ODAD2: variants seen among roughly 807,000 people sequenced by gnomAD.
ODAD2 encodes the protein outer dynein arm-docking complex subunit 2.
ODAD2 carries 89 observed loss-of-function variants against 106.8 expected under a neutral mutation model. The observed-to-expected ratio is 0.83, with a 90% CI of 0.70 to 0.99. ODAD2 has a LOEUF of 0.99. Ranked by LOEUF, ODAD2 falls within the 50% of genes least tolerant of loss-of-function variation. The pLI is 0.00. For synonymous variants in ODAD2, 404 were observed against 436.2 expected (o/e 0.93, Z 0.92); for missense variants, 1,168 against 1,238.5 (o/e 0.94, Z 0.85).
Position 27,860,560 on chromosome 10 carries a change from C to A in ODAD2, c.3021+65G>T. On this transcript the variant is annotated intron_variant, in intron 19 of 19. Coordinates refer to ENST00000305242, the MANE Select transcript of ODAD2 (RefSeq NM_018076.5). ...CTCCTTTAGAGAAATCTTAGTGATG[C>A]CTAAGTTTCTTTCCAGGCTACATTT... The A allele has an allele frequency of 2.0e-6, 3 of 1,471,758 alleles. No individual in the cohort carries two copies. In the African/African-American group the frequency reaches 4.2e-5, roughly 20 times the overall value. 91.2% of individuals were successfully genotyped at this position (1,471,758 alleles called of 1,614,324 possible). A position where few individuals can be genotyped will look rare whatever the true frequency, so the allele number is the denominator to read the frequency against.
chr10:27,902,874 G>A (rs1843309898), intron 17 of ODAD2, among the ~76,000 whole-genome samples: 1 of 152,152 alleles, frequency 6.6e-6, no homozygotes, highest in Admixed American at 6.5e-5. Context: ...GAGGTACAAA[G>A]AGGAGCTGGG....
intron 16 of ODAD2, among the ~76,000 whole-genome samples, chr10:27,919,200 A>G (rs1024505385): frequency 6.6e-6 from 1 of 152,008 alleles, no homozygotes; most frequent in Non-Finnish European, 1.5e-5. Flanking sequence ...AATGAAAAAT[A>G]GTGTTTTCAA....
intron 16 of ODAD2, among the ~76,000 whole-genome samples, chr10:27,926,171 C>T (rs1845248714): frequency 6.6e-6 from 1 of 151,936 alleles, no homozygotes; most frequent in South Asian, 2.1e-4. Flanking sequence ...CAGCCAAAGG[C>T]AATATATAAA....
intron 17 of ODAD2, among the ~76,000 whole-genome samples, chr10:27,887,065 A>C (rs1842269453): frequency 6.6e-6 from 1 of 152,038 alleles, no homozygotes; most frequent in African/African-American, 2.4e-5. Flanking sequence ...ATCAAAATAC[A>C]TTGGCAAAAT....
chr10:27,924,280 T>A (rs957779713), intron 16 of ODAD2, among the ~76,000 whole-genome samples: 2 of 151,196 alleles, frequency 1.3e-5, no homozygotes, highest in Non-Finnish European at 2.9e-5. Flanking sequence ...TTAATTCTAT[T>A]AAGCAACTGG....
At chr10:27,834,881 C>G (rs1047007252) in intron 19 of ODAD2, among the ~76,000 whole-genome samples, 1 of 152,172 alleles carries the variant, frequency 6.6e-6, no homozygotes, top group South Asian at 2.1e-4. Context: ...TGCCTGGAAG[C>G]TCCGATTTTA....
chr10:27,885,565 T>G (rs1218269314), intron 17 of ODAD2, among the ~76,000 whole-genome samples: 1 of 40,406 alleles, frequency 2.5e-5, no homozygotes, highest in Non-Finnish European at 4.6e-5. Flanking sequence ...TAAATATAAA[T>G]ATATATATAT....
chr10:27,963,371 T>C (rs572312642), intron 9 of ODAD2, among the ~76,000 whole-genome samples: 1 of 152,248 alleles, frequency 6.6e-6, no homozygotes, highest in Middle Eastern at 3.4e-3. Flanking sequence ...CAGGCTCTAT[T>C]ATCCCCATTC....
At chr10:27,940,170 C>T (rs1422689664) in intron 13 of ODAD2, among the ~76,000 whole-genome samples, 163 bp from the exon 14 acceptor site, 2 of 151,776 alleles carry the variant, frequency 1.3e-5, no homozygotes, top group Non-Finnish European at 2.9e-5. Context: ...AATTAATATA[C>T]ACATATGTGT....
intron 7 of ODAD2, among the ~76,000 whole-genome samples, chr10:27,980,457 G>A (rs1028510586): frequency 2.6e-5 from 4 of 151,618 alleles, no homozygotes; most frequent in African/African-American, 9.7e-5. Context: ...GTTAATATTG[G>A]GTATATACAA....
chr10:27,846,240 A>C (rs1838740811), intron 19 of ODAD2, among the ~76,000 whole-genome samples: 1 of 152,174 alleles, frequency 6.6e-6, no homozygotes, highest in Non-Finnish European at 1.5e-5. Context: ...ACCACAGTGC[A>C]ATCAAACTAG....
chr10:27,849,050 G>T (rs1439334507), intron 19 of ODAD2, among the ~76,000 whole-genome samples: 1 of 152,194 alleles, frequency 6.6e-6, no homozygotes, highest in Non-Finnish European at 1.5e-5. Context: ...TCCCATTACT[G>T]GGTATATACC....
At chr10:27,902,612 G>C (rs1340114585) in intron 17 of ODAD2, among the ~76,000 whole-genome samples, 5 of 151,932 alleles carry the variant, frequency 3.3e-5, no homozygotes, top group African/African-American at 1.2e-4. Flanking sequence ...ATGATACAGG[G>C]GAGATCACCA....
At chr10:27,882,657 C>T (rs2133584211) in intron 17 of ODAD2, among the ~76,000 whole-genome samples, 1 of 152,248 alleles carries the variant, frequency 6.6e-6, no homozygotes, top group Middle Eastern at 3.4e-3. Flanking sequence ...TTTCTCTATT[C>T]CAATCTCCCT....
intron 19 of ODAD2, among the ~76,000 whole-genome samples, chr10:27,817,382 T>A (rs1282191456): frequency 6.6e-6 from 1 of 152,202 alleles, no homozygotes; most frequent in African/African-American, 2.4e-5. Context: ...AGGGTACAAG[T>A]GCAAATTTCT....
chr10:27,837,970 G>A (rs1021980475), intron 19 of ODAD2, among the ~76,000 whole-genome samples: 6 of 151,992 alleles, frequency 3.9e-5, no homozygotes, highest in South Asian at 4.2e-4. Flanking sequence ...CTTACCCCAC[G>A]GCGATGGATT....
intron 19 of ODAD2, among the ~76,000 whole-genome samples, chr10:27,833,454 A>G (rs566063198): frequency 6.6e-6 from 1 of 152,346 alleles, no homozygotes; most frequent in South Asian, 2.1e-4. Flanking sequence ...AATGCATCGT[A>G]GGAACTCAGC....
In ODAD2 at chr10:27,812,441, G is replaced by T; in HGVS notation, c.*71C>A. 6.9e-7 allele frequency: 1 copy of T among 1,455,014 alleles called. No individual in the cohort carries two copies. 90.1% of individuals were successfully genotyped at this position (1,455,014 alleles called of 1,614,324 possible). On this transcript the variant is annotated 3_prime_UTR_variant, in exon 20 of 20. Coordinates refer to ENST00000305242, the MANE Select transcript of ODAD2 (RefSeq NM_018076.5). ...TGCTAACAACTGTTTCCCAATTTAGGCTTTCTGGCCATGGGAGTGACATGT... is the reference window on the plus strand; with the variant it reads ...TGCTAACAACTGTTTCCCAATTTAGTCTTTCTGGCCATGGGAGTGACATGT...
At chr10:27,931,363 T>C (rs1294785081) in intron 16 of ODAD2, among the ~76,000 whole-genome samples, 1 of 152,178 alleles carries the variant, frequency 6.6e-6, no homozygotes, top group East Asian at 1.9e-4. Context: ...GTAGGTTTCA[T>C]GCCATTAACC....
Sources: gnomAD v4.1 joint callset for allele counts (sites outside exome capture counted in the v4.1 genomes callset) on GRCh38, gnomAD v4.1.1 for gene constraint, MANE v1.5 for transcripts, NCBI Gene and HGNC (gene_info 2026-07-23, HGNC 2026-07-21) for gene names.